Variants in CADM2 observed in about 807,000 individuals in gnomAD.
The protein encoded by CADM2 is cell adhesion molecule 2, also known as immunoglobulin superfamily member 4D.
Under a neutral mutation model 49.8 loss-of-function variants are expected in CADM2, and 12 were observed. The observed-to-expected ratio is 0.24, with a 90% CI of 0.15 to 0.39. CADM2 has a LOEUF of 0.39. Ranked by LOEUF, CADM2 falls within the 10% of genes least tolerant of loss-of-function variation. The probability of loss-of-function intolerance (pLI) is 1.00; values close to 1 mark genes in which losing one functional copy is unlikely to be tolerated. For synonymous variants in CADM2, 214 were observed against 175.4 expected (o/e 1.22, Z -1.74); for missense variants, 378 against 492.3 (o/e 0.77, Z 2.20).
intron 1 of CADM2, among the ~76,000 whole-genome samples, chr3:85,618,711 A>G (rs893113290): frequency 6.6e-6 from 1 of 152,230 alleles, no homozygotes; most frequent in East Asian, 1.9e-4. Context: ...CAGATATACT[A>G]TTAATTCTAT....
chr3:85,589,924 A>G (rs917651656), intron 1 of CADM2, among the ~76,000 whole-genome samples: 2 of 152,034 alleles, frequency 1.3e-5, no homozygotes, highest in Non-Finnish European at 2.9e-5. Flanking sequence ...GAAAATGCCA[A>G]TTGGTTAACC....
At chr3:85,741,799 T>TC (rs1274593096) in intron 2 of CADM2, among the ~76,000 whole-genome samples, 4 of 152,222 alleles carry the variant, frequency 2.6e-5, no homozygotes, top group African/African-American at 9.6e-5. Context: ...CCTCTTTCAT[T>TC]CACTTAAAAA....
chr3:85,348,171 T>A (rs1355077450), intron 1 of CADM2, among the ~76,000 whole-genome samples: 1 of 152,184 alleles, frequency 6.6e-6, no homozygotes, highest in Non-Finnish European at 1.5e-5. Flanking sequence ...TATCTTTTGC[T>A]GCAATCCTCA....
chr3:85,432,217 G>A (rs1263611750), intron 1 of CADM2, among the ~76,000 whole-genome samples: 1 of 151,834 alleles, frequency 6.6e-6, no homozygotes, highest in African/African-American at 2.4e-5. Flanking sequence ...TATACATTCA[G>A]AAGTATCAGT....
intron 1 of CADM2, among the ~76,000 whole-genome samples, chr3:85,448,294 C>CT (rs2037568510): frequency 6.8e-6 from 1 of 148,066 alleles, no homozygotes; most frequent in South Asian, 2.1e-4. Flanking sequence ...GATCGCGCCA[C>CT]TGCACTCCAG....
At chr3:85,272,866 C>A (rs1011045460) in intron 1 of CADM2, among the ~76,000 whole-genome samples, 1 of 151,202 alleles carries the variant, frequency 6.6e-6, no homozygotes, top group Admixed American at 6.6e-5. Context: ...CCCTGCTTCA[C>A]CTTTCATTGC....
At chr3:85,693,566 C>CAAAAAAAAAAAAAAAAAAAA (rs562723713) in intron 1 of CADM2, among the ~76,000 whole-genome samples, 3 of 76,118 alleles carry the variant, frequency 3.9e-5, no homozygotes, top group African/African-American at 1.1e-4. Context: ...GGCGAAAGAG[C>CAAAAAAAAAAAAAAAAAAAA]AAAAAAAAAA....
intron 1 of CADM2, among the ~76,000 whole-genome samples, chr3:85,126,668 T>A (rs1559677167): frequency 6.6e-6 from 1 of 152,142 alleles, no homozygotes; most frequent in Admixed American, 6.6e-5. Flanking sequence ...TTTATGTGTC[T>A]TTCTTTAACT....
intron 1 of CADM2, among the ~76,000 whole-genome samples, chr3:85,693,508 A>T (rs2066451337): frequency 2.1e-5 from 3 of 139,666 alleles, no homozygotes. Context: ...TGAACCCGGG[A>T]GGCGGAGCTT....
intron 1 of CADM2, among the ~76,000 whole-genome samples, chr3:85,200,326 A>C (rs572690150): frequency 6.6e-6 from 1 of 152,166 alleles, no homozygotes; most frequent in African/African-American, 2.4e-5. Context: ...GTTTCTGGTA[A>C]ACCGTTTCCA....
At chr3:85,354,359 G>T (rs570996521) in intron 1 of CADM2, among the ~76,000 whole-genome samples, 247 of 118,206 alleles carry the variant, frequency 2.1e-3, no homozygotes, top group Middle Eastern at 0.011. Context: ...GTTGTGGGGT[G>T]GGGGGAGGGG....
intron 1 of CADM2, among the ~76,000 whole-genome samples, chr3:85,306,411 CTCTTT>C (rs2044213997): frequency 1.3e-5 from 2 of 151,706 alleles, no homozygotes; most frequent in South Asian, 2.1e-4. Context: ...CTATATAGAT[CTCTTT>C]TCTTTGAGCA....
chr3:85,616,964 AG>A (rs146673995), intron 1 of CADM2, among the ~76,000 whole-genome samples: 26 of 152,306 alleles, frequency 1.7e-4, no homozygotes, highest in African/African-American at 6.3e-4. Flanking sequence ...TATAAAGAAA[AG>A]CGTGTGTGGT....
chr3:85,945,092 G>A (rs914604548), intron 7 of CADM2, among the ~76,000 whole-genome samples: 3 of 151,710 alleles, frequency 2.0e-5, no homozygotes, highest in East Asian at 2.0e-4. Context: ...ATGATAAAGG[G>A]GATATCACCA....
At chr3:85,018,609 C>T (rs2034353225) in intron 1 of CADM2, among the ~76,000 whole-genome samples, 1 of 152,066 alleles carries the variant, frequency 6.6e-6, no homozygotes, top group Non-Finnish European at 1.5e-5. Context: ...CCTGCCTCGG[C>T]CTCCCAAGTG....
chr3:86,043,078 C>T (rs1424508285), intron 8 of CADM2, among the ~76,000 whole-genome samples: 2 of 152,128 alleles, frequency 1.3e-5, no homozygotes, highest in Non-Finnish European at 2.9e-5. Flanking sequence ...TGGGACGTAT[C>T]TCAAAATAAT....
At chr3:85,261,426 G>T (rs963565392) in intron 1 of CADM2, among the ~76,000 whole-genome samples, 1 of 152,106 alleles carries the variant, frequency 6.6e-6, no homozygotes, top group South Asian at 2.1e-4. Flanking sequence ...GAGCCACAGC[G>T]CCTGGCCTCT....
chr3:85,160,502 C>T (rs1349463496), intron 1 of CADM2, among the ~76,000 whole-genome samples: 1 of 152,070 alleles, frequency 6.6e-6, no homozygotes, highest in African/African-American at 2.4e-5. Context: ...AGTAGGGTCT[C>T]CTCTAAGATT....
intron 1 of CADM2, among the ~76,000 whole-genome samples, chr3:85,194,890 A>G (rs1295323970): frequency 6.6e-6 from 1 of 152,050 alleles, no homozygotes; most frequent in African/African-American, 2.4e-5. Flanking sequence ...TTGAAATAGA[A>G]GTAGTTCCAG....
Sources: gnomAD v4.1 joint callset for allele counts (sites outside exome capture counted in the v4.1 genomes callset) on GRCh38, gnomAD v4.1.1 for gene constraint, MANE v1.5 for transcripts, NCBI Gene and HGNC (gene_info 2026-07-23, HGNC 2026-07-21) for gene names.